The following CD2AP variants were observed in gnomAD, a reference collection of about 807,000 sequenced individuals.
The protein encoded by CD2AP is CD2-associated protein.
In CD2AP, 46 loss-of-function variants were observed where a neutral mutation model predicts 85.1. The ratio of observed to expected loss-of-function variants is 0.54; its 90% CI spans 0.43 to 0.69. CD2AP has a LOEUF of 0.69. CD2AP is among the 30% of genes least tolerant of loss of function. The pLI, the probability that CD2AP is intolerant of heterozygous loss-of-function variation, is 0.00. For missense variants in CD2AP, 769 were observed against 729.5 expected, an observed-to-expected ratio of 1.05 and a Z score of -0.62; for synonymous variants, 255 against 252.9, an observed-to-expected ratio of 1.01 and a Z score of -0.08.
chr6:47,610,964 TATATG>T (rs1489863576), intron 16 of CD2AP, among the ~76,000 whole-genome samples: 2 of 98,130 alleles, frequency 2.0e-5, no homozygotes, highest in African/African-American at 8.3e-5. Flanking sequence ...TATATATATA[TATATG>T]TATTTTTTTT....
intron 3 of CD2AP, among the ~76,000 whole-genome samples, chr6:47,542,651 TC>T (rs954420439): frequency 6.6e-6 from 1 of 152,122 alleles, no homozygotes; most frequent in African/African-American, 2.4e-5. Flanking sequence ...ATCTTGGATT[TC>T]TCAGACTCCA....
intron 1 of CD2AP, among the ~76,000 whole-genome samples, chr6:47,487,392 TTAAA>T (rs1765586788): frequency 6.6e-6 from 1 of 152,124 alleles, no homozygotes; most frequent in South Asian, 2.1e-4. Flanking sequence ...AGTTTAAAAC[TTAAA>T]TAAAAACTTC....
chr6:47,520,372 T>C (rs1766554353), intron 2 of CD2AP, among the ~76,000 whole-genome samples: 1 of 152,182 alleles, frequency 6.6e-6, no homozygotes, highest in African/African-American at 2.4e-5. Context: ...GTGAAATGAA[T>C]TGTGCCAAAG....
At chr6:47,491,162 T>A (rs1379712696) in intron 1 of CD2AP, among the ~76,000 whole-genome samples, 1 of 152,052 alleles carries the variant, frequency 6.6e-6, no homozygotes, top group Non-Finnish European at 1.5e-5. Flanking sequence ...AAATATTTCG[T>A]TCTGGGAATA....
At chr6:47,480,325 A>G (rs1329719200) in intron 1 of CD2AP, among the ~76,000 whole-genome samples, 5 of 152,136 alleles carry the variant, frequency 3.3e-5, no homozygotes, top group South Asian at 4.1e-4. Flanking sequence ...TTTACCAGCC[A>G]TCCTTTTTTC....
chr6:47,566,323 T>TATATATATATATATATATATATACAC, intron 5 of CD2AP, among the ~76,000 whole-genome samples: 1 of 108,388 alleles, frequency 9.2e-6, no homozygotes, highest in Non-Finnish European at 2.1e-5. Flanking sequence ...TATATATATA[T>TATATATATATATATATATATATACAC]ACACATACAC....
chr6:47,620,554 T>C (rs1769715723), intron 17 of CD2AP, among the ~76,000 whole-genome samples: 1 of 152,186 alleles, frequency 6.6e-6, no homozygotes, highest in African/African-American at 2.4e-5. Context: ...TCCTAATGAA[T>C]TTTAGAATTG....
chr6:47,531,699 A>G (rs942567709), intron 2 of CD2AP, among the ~76,000 whole-genome samples: 3 of 152,094 alleles, frequency 2.0e-5, no homozygotes, highest in African/African-American at 7.2e-5. Context: ...AGTAATAATT[A>G]TAGTACATAA....
chr6:47,579,334 T>TTAAA, intron 8 of CD2AP, 51 bp from the exon 9 acceptor site: 1 of 802,508 alleles, frequency 1.2e-6, no homozygotes, highest in Non-Finnish European at 2.0e-6. Context: ...CACTTTATCT[T>TTAAA]AAAAAAAAAA....
At chr6:47,554,398 G>A (rs1767617133) in intron 4 of CD2AP, among the ~76,000 whole-genome samples, 1 of 152,144 alleles carries the variant, frequency 6.6e-6, no homozygotes, top group South Asian at 2.1e-4. Context: ...CATAGATTGC[G>A]ATTGATTACA....
At chr6:47,584,317 G>A (rs1768561214) in intron 11 of CD2AP, among the ~76,000 whole-genome samples, 1 of 151,734 alleles carries the variant, frequency 6.6e-6, no homozygotes, top group Admixed American at 6.6e-5. Flanking sequence ...ATTTTCTCCT[G>A]TGTAATCTTC....
intron 1 of CD2AP, chr6:47,489,154 CA>C (rs1157677476): frequency 7.1e-6 from 1 of 141,084 alleles, no homozygotes; most frequent in Non-Finnish European, 1.5e-5. Context: ...TTCATTACTG[CA>C]CTCAACTAGT....
intron 4 of CD2AP, among the ~76,000 whole-genome samples, chr6:47,546,670 G>A (rs961244652): frequency 1.3e-5 from 2 of 152,014 alleles, no homozygotes; most frequent in African/African-American, 4.8e-5. Flanking sequence ...AATATAGGAA[G>A]TTCAAAGGAC....
At chr6:47,520,570 A>G (rs1766561258) in intron 2 of CD2AP, among the ~76,000 whole-genome samples, 1 of 152,028 alleles carries the variant, frequency 6.6e-6, no homozygotes, top group Admixed American at 6.6e-5. Flanking sequence ...TCCCGGCTGT[A>G]TACTGGGCCT....
chr6:47,556,843 A>G (rs749237927), intron 5 of CD2AP, among the ~76,000 whole-genome samples: 1 of 152,148 alleles, frequency 6.6e-6, no homozygotes, highest in Non-Finnish European at 1.5e-5. Context: ...TATACCCAGT[A>G]ATAGGATTGC....
Position 47,624,370 on chromosome 6 carries a change from A to C in CD2AP, c.*143A>C. 1 of 676,108 alleles carries C rather than the reference A, an allele frequency of 1.5e-6. No homozygotes were observed. Among genetic ancestry groups the C allele is most frequent in the Non-Finnish European group, 2.6e-6 (1 of 379,190 alleles). 41.9% of individuals were successfully genotyped at this position (676,108 alleles called of 1,614,324 possible). A position where few individuals can be genotyped will look rare whatever the true frequency, so the allele number is the denominator to read the frequency against. ...AAGTGTAATATCTATAGAAAAGTAG[A>C]GTGAGGGTGAATTTATATATATATT... On this transcript the variant is annotated 3_prime_UTR_variant, in exon 18 of 18. Coordinates refer to ENST00000359314, the MANE Select transcript of CD2AP (RefSeq NM_012120.3).
At chr6:47,607,491 C>T (rs1769307876) in intron 14 of CD2AP, among the ~76,000 whole-genome samples, 1 of 152,008 alleles carries the variant, frequency 6.6e-6, no homozygotes, top group Admixed American at 6.6e-5. Context: ...GGATAAAAAC[C>T]ATTTTAATTG....
At chr6:47,541,968 G>C (rs576955427) in intron 3 of CD2AP, among the ~76,000 whole-genome samples, 8 of 152,246 alleles carry the variant, frequency 5.3e-5, no homozygotes, top group Admixed American at 5.2e-4. Context: ...TAGAGTCCTT[G>C]TATCACCAAA....
chr6:47,551,464 T>C (rs1767521134), intron 4 of CD2AP, among the ~76,000 whole-genome samples: 1 of 152,226 alleles, frequency 6.6e-6, no homozygotes, highest in Admixed American at 6.5e-5. Context: ...TTTCTTGAGC[T>C]TATGTTATGG....
Sources: allele counts gnomAD v4.1 joint callset (sites outside exome capture counted in the v4.1 genomes callset), GRCh38; gene constraint gnomAD v4.1.1; transcripts MANE v1.5; gene names NCBI Gene and HGNC (gene_info 2026-07-23, HGNC 2026-07-21).